Variants in ZMIZ1 observed in about 807,000 individuals in gnomAD.
ZMIZ1 encodes zinc finger MIZ domain-containing protein 1.
Under a neutral mutation model 113.9 loss-of-function variants are expected in ZMIZ1, and 17 were observed. The ratio of observed to expected loss-of-function variants is 0.15; its 90% CI spans 0.10 to 0.22. The LOEUF (loss-of-function observed/expected upper bound fraction) is 0.22. Ranked by LOEUF, ZMIZ1 falls within the 10% of genes least tolerant of loss-of-function variation. The pLI is 1.00. For synonymous variants in ZMIZ1, 607 were observed against 603.1 expected, an observed-to-expected ratio of 1.01 and a Z score of -0.09; for missense variants, 1,059 against 1,477.8, an observed-to-expected ratio of 0.72 and a Z score of 4.65.
rs1024080019 is a variant in ZMIZ1, at chr10:79,315,761, C to T, written c.*3012C>T. On this transcript the variant is annotated 3_prime_UTR_variant, in exon 25 of 25. Transcript: ENST00000334512. Reference sequence around the variant, plus strand: ...GTGTCAACAGCAGCGACTCAAGGGACGTGTGTACATATGTAAATGAGAAAT... The same window carrying T: ...GTGTCAACAGCAGCGACTCAAGGGATGTGTGTACATATGTAAATGAGAAAT... 6 of 152,772 alleles carry T rather than the reference C, an allele frequency of 3.9e-5. No individual in the cohort carries two copies. The East Asian group carries it at 7.5e-4, about 19-fold the overall frequency. The allele number at this position is 152,772 out of a possible 1,614,324, so 9.5% of individuals were successfully genotyped here.
At chr10:79,300,241 A>G (rs770117155) in intron 16 of ZMIZ1, among the ~76,000 whole-genome samples, 10 of 152,100 alleles carry the variant, frequency 6.6e-5, no homozygotes, top group Non-Finnish European at 8.8e-5. Context: ...CTTGTCACAC[A>G]TATATGGTCA....
intron 8 of ZMIZ1, chr10:79,285,460 TG>T: frequency 4.4e-6 from 2 of 456,044 alleles, no homozygotes; most frequent in Non-Finnish European, 8.8e-6. Flanking sequence ...TAGATGAGGT[TG>T]CTGAGGCATA....
intron 1 of ZMIZ1, among the ~76,000 whole-genome samples, chr10:79,108,673 C>T (rs1464348667): frequency 9.9e-5 from 15 of 152,176 alleles, no homozygotes; most frequent in African/African-American, 2.4e-4. Context: ...ACACACAGAT[C>T]GTGGGTCAGG....
chr10:79,208,069 G>T (rs1175756720), intron 5 of ZMIZ1, among the ~76,000 whole-genome samples: 1 of 146,866 alleles, frequency 6.8e-6, no homozygotes, highest in Non-Finnish European at 1.5e-5. Context: ...GTGGAGGTGA[G>T]GGTGGGGGTG....
intron 19 of ZMIZ1, 92 bp from the exon 20 acceptor site, chr10:79,305,072 C>G: frequency 7.1e-7 from 1 of 1,415,128 alleles, no homozygotes; most frequent in Non-Finnish European, 1.0e-6. Flanking sequence ...ATCTTTCTCT[C>G]TGGTGGGGAA....
intron 1 of ZMIZ1, among the ~76,000 whole-genome samples, chr10:79,101,089 G>A (rs1843349378): frequency 6.6e-6 from 1 of 152,200 alleles, no homozygotes; most frequent in African/African-American, 2.4e-5. Context: ...GGGCTGCAGG[G>A]TGTGGACTTG....
intron 7 of ZMIZ1, among the ~76,000 whole-genome samples, chr10:79,235,373 G>A (rs972266359): frequency 7.2e-5 from 11 of 152,148 alleles, no homozygotes; most frequent in Non-Finnish European, 5.9e-5. Context: ...TCCTAAAACC[G>A]CGCAATTGCT....
chr10:79,293,006 G>A (rs948421668), intron 11 of ZMIZ1: 13 of 447,158 alleles, frequency 2.9e-5, no homozygotes, highest in Non-Finnish European at 5.6e-5. Flanking sequence ...AGTCTCACTC[G>A]GGCTCCTGCC....
At chr10:79,101,767 C>T (rs1346688302) in intron 1 of ZMIZ1, among the ~76,000 whole-genome samples, 2 of 152,160 alleles carry the variant, frequency 1.3e-5, no homozygotes, top group Admixed American at 6.5e-5. Flanking sequence ...TGAAGACAGC[C>T]GTGGGGCCTC....
chr10:79,316,512 AAAAC>A lies in ZMIZ1; in HGVS notation c.*3767_*3770del, dbSNP rs1424779624. The A allele has an allele frequency of 2.6e-5, 4 of 152,866 alleles. No individual in the cohort carries two copies. Among genetic ancestry groups the A allele is most frequent in the Admixed American group, 6.5e-5 (1 of 15,308 alleles). The allele number at this position is 152,866 out of a possible 1,614,324, so 9.5% of individuals were successfully genotyped here. The stretch of plus-strand genomic sequence containing the variant: ...TAATTTTTTTCTAAATAAATTGACA[AAAAC>A]AAAGGTTTGGCGAATTAGCTATTTT... On this transcript the variant is annotated 3_prime_UTR_variant, in exon 25 of 25. Transcript: ENST00000334512.
chr10:79,298,440 A>G lies in ZMIZ1; in HGVS notation c.1526A>G (p.His509Arg). 2 of 1,605,866 alleles carry G rather than the reference A, an allele frequency of 1.2e-6. No individual in the cohort carries two copies. The highest frequency in any genetic ancestry group is 1.1e-5 in the South Asian group (1 of 90,602). ...CCGGTTCCTGTGGCAAATTACCCCCACTCACCTGTTCCAGGGAACCCCACA... is the reference window on the plus strand; with the variant it reads ...CCGGTTCCTGTGGCAAATTACCCCCGCTCACCTGTTCCAGGGAACCCCACA... Reference protein sequence around the residue: ...PRPVPVANYPHSPVPGNPTPP... With the variant: ...PRPVPVANYPRSPVPGNPTPP... The change falls in exon 15 of 25, where the codon CAC becomes CGC. Residue 509 changes from histidine (H) to arginine (R), a missense_variant. His to Arg is a conservative substitution (Grantham distance 29). Transcript: ENST00000334512.
chr10:79,265,939 A>G (rs1482992398), intron 7 of ZMIZ1, among the ~76,000 whole-genome samples: 1 of 152,198 alleles, frequency 6.6e-6, no homozygotes, highest in Non-Finnish European at 1.5e-5. Flanking sequence ...AGCCCCTTCC[A>G]TCTGTAATCC....
intron 11 of ZMIZ1, 45 bp from the exon 12 acceptor site, chr10:79,293,336 T>C (rs2132036735): frequency 1.3e-6 from 2 of 1,502,308 alleles, no homozygotes; most frequent in Middle Eastern, 3.6e-4. Flanking sequence ...GGCATTTTAT[T>C]CTTTTTTTTT....
chr10:79,259,877 G>T (rs1235371692), intron 7 of ZMIZ1, among the ~76,000 whole-genome samples: 2 of 152,184 alleles, frequency 1.3e-5, no homozygotes, highest in Non-Finnish European at 2.9e-5. Flanking sequence ...CTCCAAAAGT[G>T]CTGGGATTAC....
At chr10:79,170,321 C>T (rs774693388) in intron 4 of ZMIZ1, among the ~76,000 whole-genome samples, 2 of 152,292 alleles carry the variant, frequency 1.3e-5, no homozygotes, top group South Asian at 2.1e-4. Flanking sequence ...CCCTTAAAAC[C>T]TCATGACAAT....
At chr10:79,178,280 C>T (rs1459911844) in intron 4 of ZMIZ1, among the ~76,000 whole-genome samples, 3 of 152,240 alleles carry the variant, frequency 2.0e-5, no homozygotes, top group Admixed American at 6.5e-5. Context: ...CGCCCTTCAG[C>T]CTGCTACCAA....
chr10:79,095,594 A>G (rs1020589890), intron 1 of ZMIZ1, among the ~76,000 whole-genome samples: 5 of 151,754 alleles, frequency 3.3e-5, no homozygotes, highest in South Asian at 2.1e-4. Context: ...GTGCAGATCT[A>G]TGCTGCTTCC....
intron 1 of ZMIZ1, among the ~76,000 whole-genome samples, chr10:79,103,545 G>A (rs1429532251): frequency 6.6e-6 from 1 of 152,056 alleles, no homozygotes; most frequent in African/African-American, 2.4e-5. Context: ...GGTGGAGAGG[G>A]CATTTGATCC....
intron 24 of ZMIZ1, among the ~76,000 whole-genome samples, chr10:79,312,271 C>T (rs1855229061): frequency 1.3e-5 from 2 of 152,238 alleles, no homozygotes. Context: ...AGCCCACCTC[C>T]TTGTGCTTAC....
Sources: gnomAD v4.1 joint callset for allele counts (sites outside exome capture counted in the v4.1 genomes callset) on GRCh38, gnomAD v4.1.1 for gene constraint, MANE v1.5 for transcripts, NCBI Gene and HGNC (gene_info 2026-07-23, HGNC 2026-07-21) for gene names.